PSTPIP2: variants seen among roughly 807,000 people sequenced by gnomAD.
PSTPIP2 encodes proline-serine-threonine phosphatase-interacting protein 2.
A neutral mutation model predicts 63.3 loss-of-function variants in PSTPIP2; 33 were observed. That is an observed-to-expected ratio of 0.52 (90% CI 0.40 to 0.70). PSTPIP2 has a LOEUF of 0.70. Ranked by LOEUF, PSTPIP2 falls within the 30% of genes least tolerant of loss-of-function variation. The probability of loss-of-function intolerance (pLI) is 0.00; values close to 1 mark genes in which losing one functional copy is unlikely to be tolerated. For missense variants in PSTPIP2, 312 were observed against 400.7 expected, an observed-to-expected ratio of 0.78 and a Z score of 1.89; for synonymous variants, 125 against 132.7, an observed-to-expected ratio of 0.94 and a Z score of 0.40.
At chr18:45,998,701 A>G in intron 8 of PSTPIP2, 93 bp downstream of exon 8, 1 of 1,275,222 alleles carries the variant, frequency 7.8e-7, no homozygotes, top group Non-Finnish European at 1.1e-6. Context: ...TTCTCTCTTT[A>G]AGGTATATAA....
intron 3 of PSTPIP2, among the ~76,000 whole-genome samples, chr18:46,022,347 T>C (rs985966540): frequency 3.9e-5 from 6 of 152,070 alleles, no homozygotes; most frequent in Non-Finnish European, 7.4e-5. Context: ...GGAAGGCCAA[T>C]GTCCTATATG....
At chr18:46,059,984 T>G (rs564378855) in intron 1 of PSTPIP2, among the ~76,000 whole-genome samples, 1 of 152,192 alleles carries the variant, frequency 6.6e-6, no homozygotes, top group East Asian at 1.9e-4. Flanking sequence ...TGAGCTGAGA[T>G]TGCACCATTG....
Position 45,999,444 on chromosome 18 carries a change from G to C in PSTPIP2, c.508C>G (p.Gln170Glu), listed in dbSNP as rs916567273. ...TTAGCCCTCCTGGGTACCTTTTCTTGTTGCTTCGGGTTCACCAGGTTGGCA... is the reference window on the plus strand; with the variant it reads ...TTAGCCCTCCTGGGTACCTTTTCTTCTTGCTTCGGGTTCACCAGGTTGGCA... ...RSANLVNPKQ[Q>E]EKLFVKLATS... The change falls in exon 7 of 15, where the codon CAA becomes GAA. Residue 170 changes from glutamine (Q) to glutamate (E), a missense_variant. Gln to Glu is a conservative substitution (Grantham distance 29, BLOSUM62 2). Transcript: ENST00000409746. 17 of 1,614,206 alleles carry C rather than the reference G, an allele frequency of 1.1e-5. No individual in the cohort carries two copies. The highest frequency in any genetic ancestry group is 1.4e-5 in the Non-Finnish European group (17 of 1,180,038).
At chr18:46,005,922 A>C (rs1191052712) in intron 5 of PSTPIP2, among the ~76,000 whole-genome samples, 1 of 152,206 alleles carries the variant, frequency 6.6e-6, no homozygotes, top group Non-Finnish European at 1.5e-5. Flanking sequence ...GCACAGTTAA[A>C]TTCGGTACTT....
At chr18:46,018,173 T>G in intron 3 of PSTPIP2, among the ~76,000 whole-genome samples, 1 of 152,186 alleles carries the variant, frequency 6.6e-6, no homozygotes, top group East Asian at 1.9e-4. Flanking sequence ...AGTTCTAGTA[T>G]CTACAGTCTT....
chr18:46,047,504 A>C (rs544563641), intron 1 of PSTPIP2, among the ~76,000 whole-genome samples: 2 of 152,274 alleles, frequency 1.3e-5, no homozygotes, highest in South Asian at 4.1e-4. Flanking sequence ...AGGCAGGAGA[A>C]TCGCTTAAAC....
At chr18:46,062,219 C>G (rs1909017538) in intron 1 of PSTPIP2, among the ~76,000 whole-genome samples, 2 of 152,172 alleles carry the variant, frequency 1.3e-5, no homozygotes, top group South Asian at 4.1e-4. Flanking sequence ...TTGTGCCACA[C>G]CATCCCCTCC....
intron 4 of PSTPIP2, 62 bp from the exon 5 acceptor site, chr18:46,011,349 A>T: frequency 7.9e-7 from 1 of 1,263,170 alleles, no homozygotes; most frequent in Non-Finnish European, 1.1e-6. Flanking sequence ...AATATATAAA[A>T]TCATACAAAA....
chr18:46,058,141 C>T (rs2144128821), intron 1 of PSTPIP2, among the ~76,000 whole-genome samples: 1 of 151,868 alleles, frequency 6.6e-6, no homozygotes, highest in African/African-American at 2.4e-5. Context: ...ATAATAAGTA[C>T]ACTTCTTCAA....
intron 4 of PSTPIP2, among the ~76,000 whole-genome samples, chr18:46,012,969 C>T (rs1244792717): frequency 1.3e-5 from 2 of 152,050 alleles, no homozygotes; most frequent in East Asian, 3.8e-4. Context: ...ATACTATACA[C>T]ATATATGTTT....
intron 1 of PSTPIP2, among the ~76,000 whole-genome samples, chr18:46,055,425 A>T (rs996323071): frequency 1.3e-5 from 2 of 152,116 alleles, no homozygotes; most frequent in Non-Finnish European, 2.9e-5. Context: ...GGCTCAAGTG[A>T]TCCTCCCACC....
rs372398531 is a variant in PSTPIP2, at chr18:46,015,957, A to G, written c.213-20T>C. 6 of 1,609,830 alleles carry G rather than the reference A, an allele frequency of 3.7e-6. No individual in the cohort carries two copies. The highest frequency in any genetic ancestry group is 1.7e-5 in the Admixed American group (1 of 59,798). ...AGGGTGCTAAAAAAAACAAGCACATATATAATTTCAGTTCTGGAAATTCTC... is the reference window on the plus strand; with the variant it reads ...AGGGTGCTAAAAAAAACAAGCACATGTATAATTTCAGTTCTGGAAATTCTC... On this transcript the variant is annotated intron_variant, in intron 3 of 14. Coordinates refer to ENST00000409746, the MANE Select transcript of PSTPIP2 (RefSeq NM_024430.4).
intron 5 of PSTPIP2, chr18:46,010,942 A>G: frequency 2.2e-6 from 1 of 447,916 alleles, no homozygotes. Context: ...GCAGACCTGA[A>G]GAGGAATGCA....
intron 1 of PSTPIP2, among the ~76,000 whole-genome samples, chr18:46,059,036 C>A (rs866879047): frequency 8.1e-6 from 1 of 123,270 alleles, no homozygotes; most frequent in Non-Finnish European, 1.8e-5. Flanking sequence ...TTCTTTTTTT[C>A]TTTTTCTTTT....
chr18:46,058,499 G>A (rs1222458328), intron 1 of PSTPIP2, among the ~76,000 whole-genome samples: 3 of 151,978 alleles, frequency 2.0e-5, no homozygotes, highest in Admixed American at 6.6e-5. Context: ...TGGGACTACA[G>A]GGGTGCGCCA....
chr18:46,058,201 C>A (rs1281867039), intron 1 of PSTPIP2, among the ~76,000 whole-genome samples: 1 of 151,972 alleles, frequency 6.6e-6, no homozygotes, highest in Non-Finnish European at 1.5e-5. Flanking sequence ...ATGGGAGACT[C>A]CTGGAAAAGA....
At chr18:45,988,821 C>G in intron 13 of PSTPIP2, 62 bp from the exon 14 acceptor site, 2 of 1,352,004 alleles carry the variant, frequency 1.5e-6, no homozygotes, top group Non-Finnish European at 2.1e-6. Context: ...AGATCTCACC[C>G]TTTTCAAGCC....
At chr18:46,028,795 G>T in intron 2 of PSTPIP2, 1 of 1,341,446 alleles carries the variant, frequency 7.5e-7, no homozygotes, top group Non-Finnish European at 1.1e-6. Flanking sequence ...ACCTGCCTGG[G>T]CAGAGACTAA....
intron 1 of PSTPIP2, among the ~76,000 whole-genome samples, chr18:46,061,163 G>T (rs1908979065): frequency 6.6e-6 from 1 of 152,054 alleles, no homozygotes; most frequent in Admixed American, 6.6e-5. Flanking sequence ...AATTAGCTAG[G>T]CATGGTGGTG....
Sources: allele counts gnomAD v4.1 joint callset (sites outside exome capture counted in the v4.1 genomes callset), GRCh38; gene constraint gnomAD v4.1.1; transcripts MANE v1.5; gene names NCBI Gene and HGNC (gene_info 2026-07-23, HGNC 2026-07-21).